The following NR3C2 variants were observed in gnomAD, a reference collection of about 807,000 sequenced individuals.
NR3C2 encodes the protein nuclear receptor subfamily 3 group C member 2, also known as mineralocorticoid receptor.
A neutral mutation model predicts 86.4 loss-of-function variants in NR3C2; 15 were observed. That is an observed-to-expected ratio of 0.17 (90% CI 0.12 to 0.27). The LOEUF is 0.27. Ranked by LOEUF, NR3C2 falls within the 10% of genes least tolerant of loss-of-function variation. The probability of loss-of-function intolerance (pLI) is 1.00; values close to 1 mark genes in which losing one functional copy is unlikely to be tolerated. For synonymous variants in NR3C2, 458 were observed against 450.5 expected (o/e 1.02, Z -0.21); for missense variants, 960 against 1,195.6 (o/e 0.80, Z 2.91).
At chr4:148,152,716 T>G in intron 5 of NR3C2, 103 bp from the exon 6 acceptor site, 1 of 1,140,648 alleles carries the variant, frequency 8.8e-7, no homozygotes, top group Non-Finnish European at 1.3e-6. Context: ...TTCTTTCACT[T>G]TTCTCTTTTC....
intron 3 of NR3C2, among the ~76,000 whole-genome samples, chr4:148,207,555 C>CGA (rs1280087982): frequency 6.6e-6 from 1 of 152,154 alleles, no homozygotes; most frequent in African/African-American, 2.4e-5. Context: ...GTTCCTAATG[C>CGA]GATTCATAAG....
intron 2 of NR3C2, among the ~76,000 whole-genome samples, chr4:148,264,000 T>C (rs1249100058): frequency 2.0e-5 from 3 of 152,222 alleles, no homozygotes; most frequent in African/African-American, 4.8e-5. Context: ...TACTATTTAT[T>C]GAGTGAATGA....
chr4:148,106,213 C>A (rs931663782), intron 8 of NR3C2, among the ~76,000 whole-genome samples: 2 of 152,116 alleles, frequency 1.3e-5, no homozygotes, highest in Admixed American at 6.5e-5. Context: ...TTGCCATACA[C>A]CAACAATAGG....
chr4:148,286,650 A>C (rs1252262294), intron 2 of NR3C2, among the ~76,000 whole-genome samples: 2 of 152,230 alleles, frequency 1.3e-5, no homozygotes, highest in African/African-American at 2.4e-5. Flanking sequence ...AAGAAATCAT[A>C]CAACTTTCAG....
chr4:148,154,984 C>T (rs1026867023), intron 4 of NR3C2, 83 bp from the exon 5 acceptor site: 3 of 1,107,222 alleles, frequency 2.7e-6, no homozygotes, highest in African/African-American at 1.5e-5. Flanking sequence ...TACAGTTTTC[C>T]TCTAAATAGA....
At chr4:148,354,533 AAT>A (rs1454486740) in intron 2 of NR3C2, among the ~76,000 whole-genome samples, 2 of 152,146 alleles carry the variant, frequency 1.3e-5, no homozygotes, top group Non-Finnish European at 2.9e-5. Context: ...AATAATTGAA[AAT>A]ATGTGTATAT....
At chr4:148,247,031 CT>C (rs769448847) in intron 3 of NR3C2, among the ~76,000 whole-genome samples, 1 of 152,034 alleles carries the variant, frequency 6.6e-6, no homozygotes, top group Non-Finnish European at 1.5e-5. Context: ...GTCAGGTCAT[CT>C]TTGATAGTTA....
At chr4:148,096,161 C>A (rs1307014882) in intron 8 of NR3C2, among the ~76,000 whole-genome samples, 1 of 151,914 alleles carries the variant, frequency 6.6e-6, no homozygotes, top group Non-Finnish European at 1.5e-5. Context: ...GTGAAAAACA[C>A]AGAGAAAAAT....
intron 2 of NR3C2, among the ~76,000 whole-genome samples, chr4:148,278,092 TTTTG>T (rs149602272): frequency 9.4e-4 from 38 of 40,216 alleles, no homozygotes; most frequent in Admixed American, 1.9e-3. Flanking sequence ...CAAGTCTGTT[TTTTG>T]TTTGTTTGTT....
At chr4:148,410,986 C>G (rs1385022001) in intron 2 of NR3C2, among the ~76,000 whole-genome samples, 2 of 152,134 alleles carry the variant, frequency 1.3e-5, no homozygotes, top group Non-Finnish European at 2.9e-5. Flanking sequence ...CTTCAGTACT[C>G]CGACCTTCAA....
intron 2 of NR3C2, among the ~76,000 whole-genome samples, chr4:148,366,438 T>G: frequency 6.6e-6 from 1 of 152,278 alleles, no homozygotes. Flanking sequence ...AAGAATACTT[T>G]TTTAAAAGTA....
At chr4:148,244,500 C>A (rs376709855) in intron 3 of NR3C2, among the ~76,000 whole-genome samples, 1 of 152,076 alleles carries the variant, frequency 6.6e-6, no homozygotes, top group Non-Finnish European at 1.5e-5. Context: ...TGAGATCTTG[C>A]CTAAATTACT....
chr4:148,210,805 C>T (rs999506329), intron 3 of NR3C2, among the ~76,000 whole-genome samples: 2 of 152,236 alleles, frequency 1.3e-5, no homozygotes, highest in African/African-American at 4.8e-5. Flanking sequence ...TAAATATTTT[C>T]ATATACAAAA....
At chr4:148,119,679 G>C (rs931282422) in intron 7 of NR3C2, among the ~76,000 whole-genome samples, 2 of 151,984 alleles carry the variant, frequency 1.3e-5, no homozygotes, top group Middle Eastern at 3.4e-3. Flanking sequence ...CCAGCTACTC[G>C]GGAGGCCGAG....
intron 6 of NR3C2, among the ~76,000 whole-genome samples, chr4:148,151,229 C>T (rs753660828): frequency 9.2e-5 from 14 of 151,448 alleles, no homozygotes; most frequent in Admixed American, 5.9e-4. Flanking sequence ...TAAAATCAAA[C>T]GCTGAGGGCA....
intron 2 of NR3C2, among the ~76,000 whole-genome samples, chr4:148,318,180 C>A (rs1487292449): frequency 6.6e-6 from 1 of 151,694 alleles, no homozygotes; most frequent in African/African-American, 2.4e-5. Context: ...CCAATTTCAT[C>A]CATGTCCCTA....
intron 2 of NR3C2, among the ~76,000 whole-genome samples, chr4:148,309,507 C>T (rs986202459): frequency 6.6e-6 from 1 of 152,110 alleles, no homozygotes; most frequent in South Asian, 2.1e-4. Flanking sequence ...AAAAAACCCA[C>T]AATCTAGTAA....
At chr4:148,120,409 A>C (rs927876139) in intron 6 of NR3C2, 121 bp from the exon 7 acceptor site, 29 of 1,156,140 alleles carry the variant, frequency 2.5e-5, no homozygotes, top group Middle Eastern at 1.9e-4. Context: ...TTCAACATGG[A>C]GCAGATGTGT....
chr4:148,383,423 C>A (rs1747099929), intron 2 of NR3C2, among the ~76,000 whole-genome samples: 1 of 152,126 alleles, frequency 6.6e-6, no homozygotes. Context: ...TGATTTCATA[C>A]TTTTGCCCTT....
Sources: gnomAD v4.1 joint callset for allele counts (sites outside exome capture counted in the v4.1 genomes callset) on GRCh38, gnomAD v4.1.1 for gene constraint, MANE v1.5 for transcripts, NCBI Gene and HGNC (gene_info 2026-07-23, HGNC 2026-07-21) for gene names.